The following GRID2IP variants were observed in gnomAD, a reference collection of about 807,000 sequenced individuals.
GRID2IP encodes delphilin.
GRID2IP carries 78 observed loss-of-function variants against 114.3 expected under a neutral mutation model. That is an observed-to-expected ratio of 0.68 (90% confidence interval 0.57 to 0.82). The LOEUF (loss-of-function observed/expected upper bound fraction) is 0.82. GRID2IP is among the 40% of genes least tolerant of loss of function. The probability of loss-of-function intolerance (pLI) is 0.00; values close to 1 mark genes in which losing one functional copy is unlikely to be tolerated. For synonymous variants in GRID2IP, 809 were observed against 724.0 expected, an observed-to-expected ratio of 1.12 and a Z score of -1.89; for missense variants, 1,727 against 1,678.5, an observed-to-expected ratio of 1.03 and a Z score of -0.51.
chr7:6,546,375 C>A (rs1278040557), intron 1 of GRID2IP, among the ~76,000 whole-genome samples: 1 of 151,112 alleles, frequency 6.6e-6, no homozygotes, highest in African/African-American at 2.4e-5. Context: ...CCGTGCCCAG[C>A]CAAGCCACCA....
Position 6,497,783 on chromosome 7 carries a change from CA to C in GRID2IP, c.3626del (p.Leu1209ArgfsTer14). 1 of 1,549,942 alleles carries C rather than the reference CA, an allele frequency of 6.5e-7. No individual in the cohort carries two copies. The highest frequency in any genetic ancestry group is 8.7e-7 in the Non-Finnish European group (1 of 1,146,594). ...GLRSSGMVSP[L>X]AW ...CGCGGTGTGGCCACTGTCACCAGGCCAGGGGTGAAACCATCCCGGAGCTGCG... is the reference window on the plus strand; with the variant it reads ...CGCGGTGTGGCCACTGTCACCAGGCCGGGGTGAAACCATCCCGGAGCTGCG... On this transcript the variant is annotated frameshift_variant, in exon 22 of 22. Coordinates refer to ENST00000457091, the MANE Select transcript of GRID2IP (RefSeq NM_001145118.2). LOFTEE classifies it high-confidence loss of function.
In GRID2IP at chr7:6,521,499, C is replaced by T. The variant is rs1323961276; in HGVS notation, c.1014G>A (p.Val338=). The T allele has an allele frequency of 1.9e-6, 3 of 1,549,288 alleles. No individual in the cohort carries two copies. The highest frequency in any genetic ancestry group is 8.7e-7 in the Non-Finnish European group (1 of 1,145,864). Residue 338 remains valine (V), a synonymous_variant, in exon 6 of 22, where the codon GTG becomes GTA. Transcript: ENST00000457091. The surrounding 1 kb of genome is among the most constrained non-coding windows in gnomAD (Gnocchi z 4.1). The stretch of plus-strand genomic sequence containing the variant: ...TGGCACCACTGCCCTGCAGCATGGA[C>T]ACCACCTTGTCGTGGGAGCAGTTCC... ...DMRNCSHDKV[V]SMLQGSGAMP...
In GRID2IP at chr7:6,532,765, GC is replaced by G; in HGVS notation, c.585-5997del. ...GGCCCAGAATCCAGAACCACACATG[GC>G]CAAAGGCTCTGAAAACCATCCACCG... On this transcript the variant is annotated intron_variant, in intron 2 of 21. Coordinates refer to ENST00000457091, the MANE Select transcript of GRID2IP (RefSeq NM_001145118.2). The surrounding 1 kb of genome is among the most constrained non-coding windows in gnomAD (Gnocchi z 4.4). 6.6e-6 allele frequency among the ~76,000 whole-genome samples: 1 copy of G among 152,170 alleles called. No individual in the cohort carries two copies. Among genetic ancestry groups the G allele is most frequent in the Non-Finnish European group, 1.5e-5 (1 of 68,020 alleles).
chr7:6,497,836 T>G lies in GRID2IP; in HGVS notation c.3574A>C (p.Ser1192Arg). 2 of 1,550,158 alleles carry G rather than the reference T, an allele frequency of 1.3e-6. No homozygotes were observed. Among genetic ancestry groups the G allele is most frequent in the Non-Finnish European group, 1.7e-6 (2 of 1,146,716 alleles). ...AGGCCCTCCCCGGCCTGCAGGTCAC[T>G]CAGCGCTCGCTGGGGAGGGGGAACA... ...EFMSKFERALSDLQAGEGLRS... is the reference protein window; with the variant it reads ...EFMSKFERALRDLQAGEGLRS... The change falls in exon 22 of 22, where the codon AGT becomes CGT. Residue 1192 changes from serine (S) to arginine (R), a missense_variant. Coordinates refer to ENST00000457091, the MANE Select transcript of GRID2IP (RefSeq NM_001145118.2).
intron 1 of GRID2IP, among the ~76,000 whole-genome samples, chr7:6,544,926 A>G (rs184286772): frequency 6.6e-6 from 1 of 151,868 alleles, no homozygotes; most frequent in Non-Finnish European, 1.5e-5. Context: ...CTAAAAATAG[A>G]AAAAAAATTA....
In GRID2IP at chr7:6,551,080, G is replaced by A. The variant is rs1488560279; in HGVS notation, c.357C>T (p.Arg119=). The part of the protein sequence containing the change: ...RGLALGRELL[R]LAGRKRPDAV... ...CGTCCGGGCGCTTGCGGCCGGCCAG[G>A]CGAAGCAGCTCACGGCCCAGAGCTA... Residue 119 remains arginine (R), a synonymous_variant, in exon 1 of 22, where the codon CGC becomes CGT. Coordinates refer to ENST00000457091, the MANE Select transcript of GRID2IP (RefSeq NM_001145118.2). 1 of 1,316,480 alleles carries A rather than the reference G, an allele frequency of 7.6e-7. No homozygotes were observed. The highest frequency in any genetic ancestry group is 9.6e-7 in the Non-Finnish European group (1 of 1,036,692). The allele number at this position is 1,316,480 out of a possible 1,614,324, so 81.5% of individuals were successfully genotyped here.
At chr7:6,530,210 G>A (rs534434212) in intron 2 of GRID2IP, among the ~76,000 whole-genome samples, 94 of 151,934 alleles carry the variant, frequency 6.2e-4, no homozygotes, top group African/African-American at 2.1e-3. Context: ...CGCCCGCCTC[G>A]GCCTCCCAAA....
intron 4 of GRID2IP, among the ~76,000 whole-genome samples, chr7:6,525,359 C>T (rs753305341): frequency 5.3e-5 from 8 of 151,980 alleles, no homozygotes; most frequent in East Asian, 2.0e-4. Flanking sequence ...TGATGGCTCA[C>T]GCCTGTACTC....
At position 6,503,161 on chromosome 7, in the gene GRID2IP, C is replaced by T; in HGVS notation, c.2910G>A (p.Met970Ile). 1.3e-6 allele frequency: 2 copies of T among 1,484,942 alleles called. No individual in the cohort carries two copies. Among genetic ancestry groups the T allele is most frequent in the Non-Finnish European group, 1.8e-6 (2 of 1,107,526 alleles). 92.0% of individuals were successfully genotyped at this position (1,484,942 alleles called of 1,614,324 possible). A position where few individuals can be genotyped will look rare whatever the true frequency, so the allele number is the denominator to read the frequency against. ...LSEPDQFVLQ[M>I]LSVPEYKTRL... is the part of the protein sequence containing the mutation. ...GTGTCTTGTATTCGGGAACTGACAGCATCTGCCTCGAAGGCAGAGCCAGGA... is the reference window on the plus strand; with the variant it reads ...GTGTCTTGTATTCGGGAACTGACAGTATCTGCCTCGAAGGCAGAGCCAGGA... The change falls in exon 17 of 22, where the codon ATG becomes ATA. Residue 970 changes from methionine (M) to isoleucine (I), a missense_variant and splice_region_variant. By Grantham distance (10) the Met-to-Ile change is conservative. Transcript: ENST00000457091.
intron 20 of GRID2IP, among the ~76,000 whole-genome samples, chr7:6,500,041 C>T (rs1786367960): frequency 6.6e-6 from 1 of 152,036 alleles, no homozygotes; most frequent in African/African-American, 2.4e-5. Context: ...CAGAGGCTAC[C>T]CTTGAATGTG....
In GRID2IP at chr7:6,509,443, A is replaced by C. The variant is rs1337856911; in HGVS notation, c.1772-130T>G. The C allele has an allele frequency of 2.5e-6, 2 of 800,746 alleles. No individual in the cohort carries two copies. Among genetic ancestry groups the C allele is most frequent in the Admixed American group, 7.3e-5 (2 of 27,516 alleles). 49.6% of individuals were successfully genotyped at this position (800,746 alleles called of 1,614,324 possible). On this transcript the variant is annotated intron_variant, in intron 11 of 21. Transcript: ENST00000457091. This position sits in a 1 kb window ranked among gnomAD's most constrained non-coding sequence, Gnocchi z 4.9. ...CACTCTCCTTTCCCTCTCTGGGCAC[A>C]GTGCAGGAAGACCTTGAGCGGCCCT...
intron 15 of GRID2IP, among the ~76,000 whole-genome samples, chr7:6,504,433 T>G (rs980987148): frequency 1.3e-5 from 2 of 151,066 alleles, no homozygotes; most frequent in East Asian, 3.9e-4. Context: ...ATAGAGACGG[T>G]CTTTCAGCGA....
chr7:6,526,106 TG>T lies in GRID2IP; in HGVS notation c.919+117del. On this transcript the variant is annotated intron_variant, in intron 4 of 21. Coordinates refer to ENST00000457091, the MANE Select transcript of GRID2IP (RefSeq NM_001145118.2). This position sits in a 1 kb window ranked among gnomAD's most constrained non-coding sequence, Gnocchi z 7.6. ...GTCTACACAAGGATGGTACCTGACG[TG>T]GAGGGGTTGCTGAGCAGGAGCCTAC... is the stretch of plus-strand genomic sequence containing the variant. 1 of 744,102 alleles carries T rather than the reference TG, an allele frequency of 1.3e-6. No individual in the cohort carries two copies. Among genetic ancestry groups the T allele is most frequent in the Non-Finnish European group, 2.3e-6 (1 of 426,058 alleles). The allele number at this position is 744,102 out of a possible 1,614,324, so 46.1% of individuals were successfully genotyped here.
In GRID2IP at chr7:6,506,855, G is replaced by T. The variant is rs1261223990; in HGVS notation, c.2545-948C>A. ...CACCACCAGGTCTGGCTAACTTTTTGATTTTTTTGTAGAGACAAGATCTCA... is the reference window on the plus strand; with the variant it reads ...CACCACCAGGTCTGGCTAACTTTTTTATTTTTTTGTAGAGACAAGATCTCA... On this transcript the variant is annotated intron_variant, in intron 13 of 21. Coordinates refer to ENST00000457091, the MANE Select transcript of GRID2IP (RefSeq NM_001145118.2). The surrounding 1 kb of genome is among the most constrained non-coding windows in gnomAD (Gnocchi z 5.2). Among the ~76,000 whole-genome samples the T allele has an allele frequency of 1.3e-5, 2 of 151,906 alleles. No homozygotes were observed. Among genetic ancestry groups the T allele is most frequent in the Admixed American group, 6.6e-5 (1 of 15,232 alleles).
Position 6,526,330 on chromosome 7 carries a change from G to C in GRID2IP, c.834-21C>G, listed in dbSNP as rs1779509925. On this transcript the variant is annotated intron_variant, in intron 3 of 21. Transcript: ENST00000457091. This position sits in a 1 kb window ranked among gnomAD's most constrained non-coding sequence, Gnocchi z 7.6. ...CAGTCCTGGGGGAAAAAGAAGGGGC[G>C]AGCAGCATGATGGAGAGGGGGCCCT... The C allele has an allele frequency of 1.3e-6, 2 of 1,548,014 alleles. No homozygotes were observed. Among genetic ancestry groups the C allele is most frequent in the Admixed American group, 2.0e-5 (1 of 50,970 alleles).
rs1163246750 is a variant in GRID2IP at position 6,508,580 on chromosome 7, G to T, written c.2128-179C>A. Among the ~76,000 whole-genome samples, 1 of 152,020 alleles carries T rather than the reference G, an allele frequency of 6.6e-6. No homozygotes were observed. Among genetic ancestry groups the T allele is most frequent in the East Asian group, 1.9e-4 (1 of 5,178 alleles). ...GGACTGTCTCACAGGTTAACCTCAG[G>T]CTGTGAGGGGGATAGCCTGGGCTAA... On this transcript the variant is annotated intron_variant, in intron 12 of 21. Transcript: ENST00000457091. This position sits in a 1 kb window ranked among gnomAD's most constrained non-coding sequence, Gnocchi z 5.6.
intron 1 of GRID2IP, among the ~76,000 whole-genome samples, chr7:6,548,169 A>T (rs1779915625): frequency 6.6e-6 from 1 of 152,190 alleles, no homozygotes; most frequent in South Asian, 2.1e-4. Flanking sequence ...CCTGGACAAC[A>T]TAGTGAAACC....
chr7:6,550,250 C>G (rs1458887320), intron 1 of GRID2IP, among the ~76,000 whole-genome samples: 1 of 152,060 alleles, frequency 6.6e-6, no homozygotes, highest in Non-Finnish European at 1.5e-5. Context: ...ACCTTGGTCT[C>G]CTAAAATGCT....
intron 10 of GRID2IP, 53 bp from the exon 11 acceptor site, chr7:6,510,453 A>G (rs1554275139): frequency 1.2e-5 from 17 of 1,411,404 alleles, no homozygotes; most frequent in Non-Finnish European, 1.6e-5. Context: ...TCGTAGCCCT[A>G]ATGTGGTCCA....
Sources: gnomAD v4.1 joint callset for allele counts (sites outside exome capture counted in the v4.1 genomes callset) on GRCh38, gnomAD v4.1.1 for gene constraint, Gnocchi (gnomAD v3.1) non-coding constraint, MANE v1.5 for transcripts, NCBI Gene and HGNC (gene_info 2026-07-23, HGNC 2026-07-21) for gene names.